SLIT3: variants seen among roughly 807,000 people sequenced by gnomAD.
The protein encoded by SLIT3 is slit guidance ligand 3, also known as slit homolog 3 protein.
SLIT3 carries 68 observed loss-of-function variants against 184.0 expected under a neutral mutation model. The observed-to-expected ratio is 0.37, with a 90% CI of 0.30 to 0.45. The LOEUF (loss-of-function observed/expected upper bound fraction) is 0.45, where lower values mean the gene tolerates loss of function less well. Ranked by LOEUF, SLIT3 falls within the 20% of genes least tolerant of loss-of-function variation. The pLI is 1.00. For synonymous variants in SLIT3, 831 were observed against 828.6 expected (o/e 1.00, Z -0.05); for missense variants, 1,707 against 2,026.0 (o/e 0.84, Z 3.02).
At chr5:168,819,057 C>T (rs1253333347) in intron 7 of SLIT3, among the ~76,000 whole-genome samples, 5 of 152,256 alleles carry the variant, frequency 3.3e-5, no homozygotes, top group Non-Finnish European at 2.9e-5. Flanking sequence ...TTCACAGGCT[C>T]CTGGGCCCAA....
chr5:168,733,800 TA>T lies in SLIT3; in HGVS notation c.2271-9317del, dbSNP rs70976499. On this transcript the variant is annotated intron_variant, in intron 20 of 35. Transcript: ENST00000519560. ...CCTGGAACTTAAAATAAAAAAAAAT[TA>T]AAAAAAAAAAAGAAAATGTGGAATA... Among the ~76,000 whole-genome samples, 377 of 145,242 alleles carry T rather than the reference TA, an allele frequency of 2.6e-3. 3 individuals are homozygous for T. The highest frequency in any genetic ancestry group is 5.8e-3 in the African/African-American group (227 of 39,338).
chr5:168,851,220 G>A (rs1301781200), intron 5 of SLIT3, among the ~76,000 whole-genome samples: 1 of 151,724 alleles, frequency 6.6e-6, no homozygotes, highest in African/African-American at 2.4e-5. Flanking sequence ...CTACTCGGGA[G>A]GCTGAGGCAG....
At chr5:169,276,481 A>C (rs1766811600) in intron 1 of SLIT3, among the ~76,000 whole-genome samples, 2 of 152,172 alleles carry the variant, frequency 1.3e-5, no homozygotes, top group Admixed American at 6.5e-5. Flanking sequence ...AGTCGCCGGG[A>C]TGCCCTTCAT....
In SLIT3 at chr5:168,855,605, G is replaced by C. The variant is rs528091715; in HGVS notation, c.486-10950C>G. 1.2e-4 allele frequency among the ~76,000 whole-genome samples: 19 copies of C among 152,326 alleles called. No homozygotes were observed. The South Asian group carries it at 3.5e-3, about 28-fold the overall frequency. ...GACTCTTGAAAACATTACGCTAAGT[G>C]AAAGAAGCCAGACATAAAAGGTCAA... On this transcript the variant is annotated intron_variant, in intron 5 of 35. Coordinates refer to ENST00000519560, the MANE Select transcript of SLIT3 (RefSeq NM_003062.4).
chr5:168,760,791 T>C (rs1214245958), intron 16 of SLIT3, 71 bp downstream of exon 16: 5 of 1,134,478 alleles, frequency 4.4e-6, no homozygotes, highest in Non-Finnish European at 6.7e-6. Flanking sequence ...GGTCCCCTGG[T>C]TCCTCTAGTC....
intron 5 of SLIT3, among the ~76,000 whole-genome samples, chr5:168,864,589 T>C (rs1759231736): frequency 6.6e-6 from 1 of 152,186 alleles, no homozygotes; most frequent in African/African-American, 2.4e-5. Flanking sequence ...GTTATACCAA[T>C]TGGCATTCCC....
intron 35 of SLIT3, chr5:168,666,926 A>T (rs921288843): frequency 4.6e-6 from 3 of 659,060 alleles, no homozygotes; most frequent in Non-Finnish European, 8.1e-6. Context: ...ATGATGACAA[A>T]AGCAGGCTTG....
intron 25 of SLIT3, 103 bp from the exon 26 acceptor site, chr5:168,708,203 C>G: frequency 1.4e-5 from 21 of 1,514,868 alleles, no homozygotes; most frequent in Non-Finnish European, 1.9e-5. Context: ...GCGCCAGCCC[C>G]TTCCCAACTC....
intron 4 of SLIT3, among the ~76,000 whole-genome samples, chr5:169,087,751 A>T (rs1759369182): frequency 6.6e-6 from 1 of 152,268 alleles, no homozygotes; most frequent in South Asian, 2.1e-4. Flanking sequence ...CATATCAAAA[A>T]TTAAAAGGAA....
At chr5:169,205,445 A>G (rs558935625) in intron 3 of SLIT3, among the ~76,000 whole-genome samples, 1 of 152,342 alleles carries the variant, frequency 6.6e-6, no homozygotes, top group East Asian at 1.9e-4. Context: ...CTTCATGTGA[A>G]AATGGGCATA....
chr5:169,215,708 A>C (rs749598367), intron 3 of SLIT3, among the ~76,000 whole-genome samples: 13 of 152,342 alleles, frequency 8.5e-5, no homozygotes, highest in Non-Finnish European at 1.8e-4. Flanking sequence ...ACATCAAAGG[A>C]GCTCCTAAAG....
chr5:169,129,054 G>A (rs1254923672), intron 4 of SLIT3, among the ~76,000 whole-genome samples: 1 of 152,130 alleles, frequency 6.6e-6, no homozygotes, highest in East Asian at 1.9e-4. Flanking sequence ...GCAGGGGAGC[G>A]GGGGTTATAA....
intron 20 of SLIT3, among the ~76,000 whole-genome samples, chr5:168,735,337 A>T (rs556144064): frequency 6.6e-6 from 1 of 152,062 alleles, no homozygotes; most frequent in Non-Finnish European, 1.5e-5. Context: ...ATGGAGAGGG[A>T]GGGAAGCCAC....
chr5:168,959,678 G>C (rs751954196), intron 4 of SLIT3, among the ~76,000 whole-genome samples: 1 of 152,270 alleles, frequency 6.6e-6, no homozygotes, highest in African/African-American at 2.4e-5. Flanking sequence ...GGCGTCTGGA[G>C]CTTGAGGACA....
chr5:169,205,808 G>T (rs939632649), intron 3 of SLIT3, among the ~76,000 whole-genome samples: 1 of 152,154 alleles, frequency 6.6e-6, no homozygotes. Context: ...CCAGAGTATC[G>T]CAACCAGGTT....
At chr5:169,171,941 G>A (rs1325181031) in intron 4 of SLIT3, among the ~76,000 whole-genome samples, 1 of 152,164 alleles carries the variant, frequency 6.6e-6, no homozygotes, top group Admixed American at 6.5e-5. Context: ...AAGTGTGAAG[G>A]GTGGTGTACA....
chr5:168,869,384 T>C (rs1046546832), intron 5 of SLIT3, among the ~76,000 whole-genome samples: 1 of 152,194 alleles, frequency 6.6e-6, no homozygotes, highest in African/African-American at 2.4e-5. Flanking sequence ...TTTTATCATC[T>C]GTAAACTGGT....
chr5:168,685,846 G>A lies in SLIT3; in HGVS notation c.3396C>T (p.Ala1132=). Residue 1132 remains alanine, a synonymous_variant, in exon 31 of 36, where the codon GCC becomes GCT. Coordinates refer to ENST00000519560, the MANE Select transcript of SLIT3 (RefSeq NM_003062.4). ...GCTCCTGCTGCACCACGATGCACTG[G>A]GCCCCGTTCTGGCACTCGTACTGGT... The part of the protein sequence containing the change: ...PCDQYECQNG[A]QCIVVQQEPT... 6.2e-7 allele frequency: 1 copy of A among 1,613,938 alleles called. No individual in the cohort carries two copies. Among genetic ancestry groups the A allele is most frequent in the Non-Finnish European group, 8.5e-7 (1 of 1,179,996 alleles).
At chr5:169,152,136 T>C (rs967385811) in intron 4 of SLIT3, among the ~76,000 whole-genome samples, 1 of 152,244 alleles carries the variant, frequency 6.6e-6, no homozygotes, top group African/African-American at 2.4e-5. Flanking sequence ...CATGTGATTA[T>C]GGTACAAAGA....
Sources: gnomAD v4.1 joint callset for allele counts (sites outside exome capture counted in the v4.1 genomes callset) on GRCh38, gnomAD v4.1.1 for gene constraint, MANE v1.5 for transcripts, NCBI Gene and HGNC (gene_info 2026-07-23, HGNC 2026-07-21) for gene names.